Variants in CERS6 observed in about 807,000 individuals in gnomAD.
CERS6 encodes ceramide synthase 6.
CERS6 carries 26 observed loss-of-function variants against 56.8 expected under a neutral mutation model. That is an observed-to-expected ratio of 0.46 (90% confidence interval 0.34 to 0.63). The LOEUF is 0.63. CERS6 is among the 30% of genes least tolerant of loss of function. The probability of loss-of-function intolerance (pLI) is 0.01; values close to 1 mark genes in which losing one functional copy is unlikely to be tolerated. For synonymous variants in CERS6, 164 were observed against 173.3 expected (o/e 0.95, Z 0.42); for missense variants, 415 against 467.5 (o/e 0.89, Z 1.04).
At chr2:168,743,246 A>C (rs10469697) in intron 8 of CERS6, among the ~76,000 whole-genome samples, 2 of 146,546 alleles carry the variant, frequency 1.4e-5, no homozygotes, top group East Asian at 3.9e-4. Flanking sequence ...GTGTGTGTGT[A>C]TATATATATA....
chr2:168,724,482 T>G (rs1279754396), intron 8 of CERS6, among the ~76,000 whole-genome samples: 1 of 152,126 alleles, frequency 6.6e-6, no homozygotes, highest in East Asian at 1.9e-4. Context: ...TCGTGCTGAT[T>G]GGTAGAGCCG....
At chr2:168,768,814 G>A (rs767590719) in intron 9 of CERS6, among the ~76,000 whole-genome samples, 6 of 150,298 alleles carry the variant, frequency 4.0e-5, no homozygotes, top group Non-Finnish European at 7.4e-5. Flanking sequence ...GCTAAGGCAG[G>A]AGAATTGCCT....
intron 4 of CERS6, among the ~76,000 whole-genome samples, chr2:168,667,655 G>C (rs1437030112): frequency 6.6e-6 from 1 of 152,052 alleles, no homozygotes; most frequent in Non-Finnish European, 1.5e-5. Context: ...ACAACTCGGA[G>C]TCATCATTGA....
chr2:168,738,741 C>T (rs778146690), intron 8 of CERS6, among the ~76,000 whole-genome samples: 1 of 152,188 alleles, frequency 6.6e-6, no homozygotes, highest in Non-Finnish European at 1.5e-5. Context: ...GGCTAACCAA[C>T]AGGGATACAA....
intron 8 of CERS6, among the ~76,000 whole-genome samples, chr2:168,761,722 A>AGGTGT (rs891249077): frequency 1.3e-5 from 2 of 152,258 alleles, no homozygotes; most frequent in African/African-American, 4.8e-5. Flanking sequence ...GAAAAGTGTA[A>AGGTGT]GGTGTGTGAG....
At chr2:168,487,408 G>C (rs1453489154) in intron 1 of CERS6, among the ~76,000 whole-genome samples, 1 of 152,270 alleles carries the variant, frequency 6.6e-6, no homozygotes, top group African/African-American at 2.4e-5. Flanking sequence ...TGCCTCCAAG[G>C]CTGCAATTTC....
At chr2:168,720,721 T>C (rs1413385441) in intron 8 of CERS6, among the ~76,000 whole-genome samples, 1 of 152,204 alleles carries the variant, frequency 6.6e-6, no homozygotes, top group Non-Finnish European at 1.5e-5. Flanking sequence ...TTCATAGTAA[T>C]TGCTATGTAA....
intron 3 of CERS6, among the ~76,000 whole-genome samples, chr2:168,570,360 A>T (rs1260977016): frequency 6.6e-6 from 1 of 152,212 alleles, no homozygotes; most frequent in Non-Finnish European, 1.5e-5. Context: ...AGTGATGCCC[A>T]CTGTGCCTCC....
intron 4 of CERS6, among the ~76,000 whole-genome samples, chr2:168,652,612 T>G (rs914920253): frequency 1.3e-5 from 2 of 150,436 alleles, no homozygotes; most frequent in African/African-American, 2.5e-5. Context: ...GAATTGTTGT[T>G]TTTTTTTTAA....
At chr2:168,758,178 G>A (rs1031060868) in intron 8 of CERS6, among the ~76,000 whole-genome samples, 5 of 152,052 alleles carry the variant, frequency 3.3e-5, no homozygotes, top group Non-Finnish European at 7.4e-5. Context: ...TTTTGTGTAG[G>A]TCAAATGAAC....
At chr2:168,532,637 A>C (rs1695189025) in intron 1 of CERS6, among the ~76,000 whole-genome samples, 1 of 152,134 alleles carries the variant, frequency 6.6e-6, no homozygotes, top group South Asian at 2.1e-4. Flanking sequence ...TTTTTGTATC[A>C]TTGAGGTTTT....
chr2:168,495,023 G>C lies in CERS6; in HGVS notation c.170+38405G>C, dbSNP rs188911173. Reference sequence around the variant, plus strand: ...CTGAGGGTATGTTTAAGTTATTGCTGTCAGGTGCATCTGCCATGCAGGGTA... The same window carrying C: ...CTGAGGGTATGTTTAAGTTATTGCTCTCAGGTGCATCTGCCATGCAGGGTA... On this transcript the variant is annotated intron_variant, in intron 1 of 9. Transcript: ENST00000305747. Among the ~76,000 whole-genome samples the C allele has an allele frequency of 2.5e-3, 385 of 152,302 alleles. 2 individuals are homozygous for C. Among genetic ancestry groups the C allele is most frequent in the African/African-American group, 8.8e-3 (366 of 41,558 alleles).
At chr2:168,678,311 G>A (rs906969415) in intron 4 of CERS6, among the ~76,000 whole-genome samples, 2 of 152,086 alleles carry the variant, frequency 1.3e-5, no homozygotes, top group South Asian at 2.1e-4. Context: ...TCAGGCCTAC[G>A]GGAGCTAGAT....
At chr2:168,654,754 T>C (rs1032735953) in intron 4 of CERS6, among the ~76,000 whole-genome samples, 2 of 152,194 alleles carry the variant, frequency 1.3e-5, no homozygotes, top group African/African-American at 4.8e-5. Context: ...GTCCTATTAC[T>C]TGAAGATAAA....
intron 1 of CERS6, among the ~76,000 whole-genome samples, chr2:168,516,002 G>A (rs1262973687): frequency 1.3e-5 from 2 of 152,208 alleles, no homozygotes; most frequent in Non-Finnish European, 2.9e-5. Flanking sequence ...GCAAATGTTT[G>A]TATTGACAGC....
At chr2:168,729,886 G>T (rs956068388) in intron 8 of CERS6, among the ~76,000 whole-genome samples, 5 of 152,138 alleles carry the variant, frequency 3.3e-5, no homozygotes, top group African/African-American at 9.7e-5. Flanking sequence ...CTTATCACAC[G>T]TTACTGTGAG....
At chr2:168,551,713 T>C (rs1329810872) in intron 2 of CERS6, among the ~76,000 whole-genome samples, 2 of 152,206 alleles carry the variant, frequency 1.3e-5, no homozygotes, top group Non-Finnish European at 2.9e-5. Flanking sequence ...GAGTGTTACG[T>C]CATGTTTCTA....
At chr2:168,634,926 A>C (rs562808590) in intron 4 of CERS6, among the ~76,000 whole-genome samples, 2 of 152,196 alleles carry the variant, frequency 1.3e-5, no homozygotes, top group Non-Finnish European at 2.9e-5. Flanking sequence ...AAATTGATCT[A>C]CTGTTTACTA....
chr2:168,630,915 C>T (rs1684699885), intron 3 of CERS6, 70 bp from the exon 4 acceptor site: 1 of 683,230 alleles, frequency 1.5e-6, no homozygotes, highest in African/African-American at 1.9e-5. Context: ...TTTTCCCTCC[C>T]TTACATATTT....
Sources: allele counts gnomAD v4.1 joint callset (sites outside exome capture counted in the v4.1 genomes callset), GRCh38; gene constraint gnomAD v4.1.1; transcripts MANE v1.5; gene names NCBI Gene and HGNC (gene_info 2026-07-23, HGNC 2026-07-21).